BLTP3A: variants seen among roughly 807,000 people sequenced by gnomAD.
The protein encoded by BLTP3A is bridge-like lipid transfer protein family member 3A.
chr6:34,858,746 G>A, the BLTP3A span: 11 of 1,614,090 alleles, frequency 6.8e-6, no homozygotes, highest in East Asian at 1.6e-4. Context: ...CTGAAAGAAG[G>A]CAGTAGTGGT....
the BLTP3A span, among the ~76,000 whole-genome samples, chr6:34,869,373 C>T: frequency 6.6e-6 from 1 of 152,118 alleles, no homozygotes; most frequent in East Asian, 1.9e-4. Context: ...TCCTGAACCT[C>T]CTTCTGTCCC....
the BLTP3A span, among the ~76,000 whole-genome samples, chr6:34,861,545 T>TA: frequency 6.6e-6 from 1 of 152,212 alleles, no homozygotes; most frequent in Non-Finnish European, 1.5e-5. Flanking sequence ...AGATAACCAC[T>TA]GTTTACATTT....
the BLTP3A span, among the ~76,000 whole-genome samples, chr6:34,844,338 G>A: frequency 6.6e-6 from 1 of 152,118 alleles, no homozygotes; most frequent in Non-Finnish European, 1.5e-5. Context: ...TCAGTGGCAA[G>A]ATGTCAGCTT....
chr6:34,871,011 G>A, the BLTP3A span: 1 of 1,614,010 alleles, frequency 6.2e-7, no homozygotes, highest in African/African-American at 1.3e-5. Flanking sequence ...ACCTCGAGCT[G>A]CTCACTTCAG....
At chr6:34,836,484 T>C in the BLTP3A span, 8 of 784,368 alleles carry the variant, frequency 1.0e-5, no homozygotes, top group South Asian at 3.5e-5. Flanking sequence ...CAGGCATTCC[T>C]TGGGCCTCAG....
the BLTP3A span, among the ~76,000 whole-genome samples, chr6:34,845,811 A>T: frequency 1.3e-5 from 2 of 151,838 alleles, no homozygotes; most frequent in East Asian, 2.0e-4. Flanking sequence ...GTTAGCCAGG[A>T]TGGTCTCGAT....
chr6:34,852,873 A>T, the BLTP3A span, among the ~76,000 whole-genome samples: 2 of 152,146 alleles, frequency 1.3e-5, no homozygotes, highest in Non-Finnish European at 2.9e-5. Context: ...TTCCTCTCTG[A>T]CTAGGGCTGG....
the BLTP3A span, among the ~76,000 whole-genome samples, chr6:34,866,361 C>T: frequency 1.3e-5 from 2 of 151,904 alleles, no homozygotes; most frequent in African/African-American, 2.4e-5. Flanking sequence ...CGAGATCACG[C>T]CATTGCACTC....
At chr6:34,818,225 T>C in the BLTP3A span, among the ~76,000 whole-genome samples, 1 of 152,144 alleles carries the variant, frequency 6.6e-6, no homozygotes, top group Non-Finnish European at 1.5e-5. Flanking sequence ...TGCCAGCACA[T>C]TGGTAGGCCG....
At chr6:34,805,280 C>CA in the BLTP3A span, among the ~76,000 whole-genome samples, 9,781 of 147,330 alleles carry the variant, frequency 0.066, 521 homozygotes, top group East Asian at 0.33. Context: ...GATCATGACT[C>CA]AAAAAAAAAA....
the BLTP3A span, chr6:34,870,814 G>A: frequency 6.2e-7 from 1 of 1,604,502 alleles, no homozygotes. Flanking sequence ...AAGACTCCCT[G>A]GCCGTTAATT....
chr6:34,838,912 CAG>C, the BLTP3A span, among the ~76,000 whole-genome samples: 1 of 152,188 alleles, frequency 6.6e-6, no homozygotes. Flanking sequence ...GCATGGGTGA[CAG>C]AGCGAGACCC....
the BLTP3A span, chr6:34,858,222 T>C: frequency 1.2e-6 from 2 of 1,614,208 alleles, no homozygotes; most frequent in Non-Finnish European, 8.5e-7. Context: ...ATACACGTCA[T>C]GCTCCACATT....
the BLTP3A span, among the ~76,000 whole-genome samples, chr6:34,810,798 T>G: frequency 6.6e-6 from 1 of 152,186 alleles, no homozygotes; most frequent in African/African-American, 2.4e-5. Flanking sequence ...ATCTTTATAT[T>G]TGTTTACATT....
At chr6:34,801,829 C>G in the BLTP3A span, among the ~76,000 whole-genome samples, 12 of 152,198 alleles carry the variant, frequency 7.9e-5, no homozygotes, top group African/African-American at 2.9e-4. Context: ...AGCTCCGCCT[C>G]CCGGTTCACG....
the BLTP3A span, among the ~76,000 whole-genome samples, chr6:34,827,291 C>CA: frequency 2.7e-5 from 4 of 150,810 alleles, no homozygotes; most frequent in South Asian, 8.4e-4. Flanking sequence ...AGCCTGGTGA[C>CA]AGAGTGAGAC....
chr6:34,823,748 T>G, the BLTP3A span, among the ~76,000 whole-genome samples: 3 of 151,472 alleles, frequency 2.0e-5, no homozygotes, highest in African/African-American at 7.3e-5. Flanking sequence ...TTGCCCAGGC[T>G]GGTCTTGAAC....
At chr6:34,860,323 G>T in the BLTP3A span, among the ~76,000 whole-genome samples, 3 of 152,180 alleles carry the variant, frequency 2.0e-5, no homozygotes, top group East Asian at 5.8e-4. Flanking sequence ...GAGTGGAAAA[G>T]TATCGATTTT....
the BLTP3A span, among the ~76,000 whole-genome samples, chr6:34,827,168 G>A: frequency 2.6e-5 from 4 of 151,914 alleles, no homozygotes; most frequent in African/African-American, 4.8e-5. Context: ...AAAATTAGCC[G>A]GGCGTGGTGG....
Sources: allele counts gnomAD v4.1 joint callset (sites outside exome capture counted in the v4.1 genomes callset), GRCh38; gene constraint gnomAD v4.1.1; transcripts MANE v1.5; gene names NCBI Gene and HGNC (gene_info 2026-07-23, HGNC 2026-07-21).